The following PPEF1 variants were observed in gnomAD, a reference collection of about 807,000 sequenced individuals.
PPEF1 encodes serine/threonine-protein phosphatase with EF-hands 1.
In PPEF1, 12 loss-of-function variants were observed where a neutral mutation model predicts 53.3. The ratio of observed to expected loss-of-function variants is 0.23; its 90% confidence interval spans 0.14 to 0.36. PPEF1 has a LOEUF of 0.36. Among genes scored for constraint, PPEF1 ranks in the 10% least tolerant of loss-of-function variants. The probability of loss-of-function intolerance (pLI) is 1.00; values close to 1 mark genes in which losing one functional copy is unlikely to be tolerated. For missense variants in PPEF1, 334 were observed against 490.4 expected (o/e 0.68, Z 3.01); for synonymous variants, 165 against 176.7 (o/e 0.93, Z 0.52).
chrX:18,730,420 CT>C (rs2044810000), intron 2 of PPEF1, 112 bp downstream of exon 2: 2 of 870,537 alleles, frequency 2.3e-6, no homozygotes, highest in East Asian at 6.6e-5. Flanking sequence ...TGGTGAAAGG[CT>C]TTAATAGAGC....
intron 4 of PPEF1, among the ~76,000 whole-genome samples, chrX:18,752,800 T>G (rs944815030): frequency 2.7e-5 from 3 of 110,045 alleles, no homozygotes; most frequent in African/African-American, 9.9e-5. Flanking sequence ...TGGTGTGATA[T>G]ATTGAATAAT....
At chrX:18,747,178 C>T (rs914765032) in intron 3 of PPEF1, among the ~76,000 whole-genome samples, 5 of 111,313 alleles carry the variant, frequency 4.5e-5, no homozygotes, top group African/African-American at 1.6e-4. Flanking sequence ...AGGAAAGCAT[C>T]GCCAGTGTGG....
chrX:18,714,269 G>GTTTTTTTTTTTTT (rs752286222), intron 1 of PPEF1, among the ~76,000 whole-genome samples: 3 of 61,949 alleles, frequency 4.8e-5, no homozygotes, highest in Non-Finnish European at 7.0e-5. Flanking sequence ...TTTGTTTTTC[G>GTTTTTTTTTTTTT]TTTTTTTGTT....
chrX:18,687,532 A>T (rs954887834), intron 3 of PPEF1, among the ~76,000 whole-genome samples: 1 of 111,583 alleles, frequency 9.0e-6, no homozygotes, highest in African/African-American at 3.3e-5. Flanking sequence ...CCCTAGACAC[A>T]TCCTGACCCA....
chrX:18,798,968 C>T lies in PPEF1; in HGVS notation c.1066-4924C>T, dbSNP rs984416972. ...ATGACATGGTCTAGGCCAGGCGTGG[C>T]GGCTCACGCCTGTGATCCCAGCACT... On this transcript the variant is annotated intron_variant, in intron 10 of 15. Transcript: ENST00000470157. 2.7e-5 allele frequency among the ~76,000 whole-genome samples: 3 copies of T among 110,169 alleles called. No individual in the cohort carries two copies. In the Admixed American group the frequency reaches 2.9e-4, roughly 11 times the overall value.
At chrX:18,730,333 C>A in intron 2 of PPEF1, 25 bp downstream of exon 2, 1 of 1,194,053 alleles carries the variant, frequency 8.4e-7, no homozygotes, top group Non-Finnish European at 1.1e-6. Context: ...CTTTTCTCTT[C>A]TTTTGATAAA....
intron 7 of PPEF1, among the ~76,000 whole-genome samples, chrX:18,780,240 C>A (rs1426324904): frequency 8.9e-6 from 1 of 111,780 alleles, no homozygotes; most frequent in Non-Finnish European, 1.9e-5. Context: ...CCAACCTTGT[C>A]TGAGGGATGA....
intron 3 of PPEF1, among the ~76,000 whole-genome samples, chrX:18,740,327 A>C (rs910633391): frequency 1.8e-5 from 2 of 111,646 alleles, no homozygotes; most frequent in Non-Finnish European, 3.8e-5. Flanking sequence ...AAATATTTTG[A>C]GTATTTCATG....
chrX:18,761,504 A>G (rs1569258437), intron 5 of PPEF1, 26 bp from the exon 6 acceptor site: 2 of 1,189,934 alleles, frequency 1.7e-6, no homozygotes, highest in Admixed American at 2.2e-5. Context: ...TCTCTACTGA[A>G]TACTGATTTT....
chrX:18,792,555 C>CT (rs1027274437), intron 10 of PPEF1, among the ~76,000 whole-genome samples: 5 of 108,775 alleles, frequency 4.6e-5, no homozygotes, highest in African/African-American at 1.0e-4. Context: ...GTAATATTTC[C>CT]TTTTTTTTGT....
intron 4 of PPEF1, among the ~76,000 whole-genome samples, chrX:18,692,714 G>T (rs1246711270): frequency 8.9e-6 from 1 of 111,786 alleles, no homozygotes; most frequent in Non-Finnish European, 1.9e-5. Context: ...TCCCCAGAGT[G>T]ATCTTGCAGC....
chrX:18,806,449 A>G lies in PPEF1; in HGVS notation c.1298A>G (p.Asn433Ser). ...TCTAATTATTATGAAGAAGGCAGCAATCGAGGAGCTTACATCAAACTATGT... is the reference window on the plus strand; with the variant it reads ...TCTAATTATTATGAAGAAGGCAGCAGTCGAGGAGCTTACATCAAACTATGT... Reference protein sequence around the residue: ...SASNYYEEGSNRGAYIKLCSG... With the variant: ...SASNYYEEGSSRGAYIKLCSG... The change falls in exon 12 of 16, where the codon AAT becomes AGT. Residue 433 changes from asparagine (N) to serine (S), a missense_variant. Asn to Ser is a conservative substitution (Grantham distance 46, BLOSUM62 1). Transcript: ENST00000470157. 1.7e-6 allele frequency: 2 copies of G among 1,207,833 alleles called. No homozygotes were observed. The highest frequency in any genetic ancestry group is 2.2e-6 in the Non-Finnish European group (2 of 892,242).
At chrX:18,702,110 G>T (rs770409216) in intron 6 of PPEF1, among the ~76,000 whole-genome samples, 1 of 111,942 alleles carries the variant, frequency 8.9e-6, no homozygotes, top group East Asian at 2.8e-4. Flanking sequence ...GGCACGGGCT[G>T]CCAGGGACTC....
chrX:18,774,643 G>T (rs1304297927), intron 6 of PPEF1, among the ~76,000 whole-genome samples: 1 of 112,276 alleles, frequency 8.9e-6, no homozygotes, highest in Non-Finnish European at 1.9e-5. Flanking sequence ...CATTTATGTT[G>T]TTGGTGATAG....
At chrX:18,676,132 TG>T (rs1302814555) in intron 1 of PPEF1, 5 of 110,612 alleles carry the variant, frequency 4.5e-5, no homozygotes, top group Non-Finnish European at 9.5e-5. Context: ...AGAAACCAGG[TG>T]GGTGCAGGGA....
intron 1 of PPEF1, among the ~76,000 whole-genome samples, chrX:18,712,465 T>A (rs2044351171): frequency 8.9e-6 from 1 of 112,358 alleles, no homozygotes; most frequent in African/African-American, 3.2e-5. Flanking sequence ...TTATTGCAAA[T>A]GTTTAAAAAT....
intron 1 of PPEF1, among the ~76,000 whole-genome samples, chrX:18,714,748 A>G (rs983835993): frequency 4.5e-5 from 5 of 112,234 alleles, no homozygotes; most frequent in African/African-American, 1.3e-4. Context: ...TTGTATTTGC[A>G]TAGTGCTTTT....
At chrX:18,712,564 T>C (rs1447354274) in intron 1 of PPEF1, among the ~76,000 whole-genome samples, 2 of 112,457 alleles carry the variant, frequency 1.8e-5, no homozygotes, top group African/African-American at 6.4e-5. Context: ...GGAATTTTTA[T>C]TTACAAACCA....
chrX:18,722,952 G>A (rs1273243024), intron 1 of PPEF1, among the ~76,000 whole-genome samples: 1 of 110,905 alleles, frequency 9.0e-6, no homozygotes, highest in Non-Finnish European at 1.9e-5. Flanking sequence ...TGTTGTGTTC[G>A]GAGATGGTAG....
Sources: allele counts gnomAD v4.1 joint callset (sites outside exome capture counted in the v4.1 genomes callset), GRCh38; gene constraint gnomAD v4.1.1; transcripts MANE v1.5; gene names NCBI Gene and HGNC (gene_info 2026-07-23, HGNC 2026-07-21).